NAALADL2: variants seen among roughly 807,000 people sequenced by gnomAD.
NAALADL2 encodes N-acetylated alpha-linked acidic dipeptidase like 2.
Under a neutral mutation model 87.2 loss-of-function variants are expected in NAALADL2, and 76 were observed. The observed-to-expected ratio is 0.87, with a 90% CI of 0.72 to 1.05. The LOEUF (loss-of-function observed/expected upper bound fraction) is 1.05, where lower values mean the gene tolerates loss of function less well. NAALADL2 is among the 50% of genes least tolerant of loss of function. NAALADL2 has a pLI of 0.00. For missense variants in NAALADL2, 1,089 were observed against 945.8 expected (o/e 1.15, Z -1.99); for synonymous variants, 354 against 331.0 (o/e 1.07, Z -0.75).
At chr3:175,768,476 T>C (rs1268865518) in intron 13 of NAALADL2, among the ~76,000 whole-genome samples, 1 of 152,178 alleles carries the variant, frequency 6.6e-6, no homozygotes, top group Non-Finnish European at 1.5e-5. Flanking sequence ...CCAGAGATGG[T>C]AAATTACATA....
chr3:174,533,860 C>T (rs182411525), intron 1 of NAALADL2, among the ~76,000 whole-genome samples: 1 of 152,140 alleles, frequency 6.6e-6, no homozygotes, highest in East Asian at 1.9e-4. Flanking sequence ...GTAGTCTTGA[C>T]ATTTGAGAAT....
intron 13 of NAALADL2, among the ~76,000 whole-genome samples, chr3:175,789,430 A>G (rs1037061697): frequency 1.3e-5 from 2 of 152,196 alleles, no homozygotes; most frequent in Non-Finnish European, 2.9e-5. Flanking sequence ...AATGTATTTT[A>G]TACAATTGAA....
chr3:175,245,260 G>A (rs1747755131), intron 3 of NAALADL2, among the ~76,000 whole-genome samples: 1 of 151,976 alleles, frequency 6.6e-6, no homozygotes, highest in Non-Finnish European at 1.5e-5. Context: ...TAATCTCTAA[G>A]GTACTATTTA....
At chr3:175,134,804 C>A (rs906933515) in intron 2 of NAALADL2, among the ~76,000 whole-genome samples, 1 of 152,140 alleles carries the variant, frequency 6.6e-6, no homozygotes, top group African/African-American at 2.4e-5. Flanking sequence ...ACCATGAATA[C>A]CTGTCTACCT....
chr3:175,377,712 G>A (rs1403128495), intron 5 of NAALADL2, among the ~76,000 whole-genome samples: 2 of 152,100 alleles, frequency 1.3e-5, no homozygotes, highest in Non-Finnish European at 2.9e-5. Flanking sequence ...CCCATCCTGT[G>A]TCTATAAAAG....
intron 2 of NAALADL2, among the ~76,000 whole-genome samples, chr3:174,587,105 TA>T (rs1716812127): frequency 6.6e-6 from 1 of 152,000 alleles, no homozygotes; most frequent in Non-Finnish European, 1.5e-5. Flanking sequence ...GTCCTTGCCA[TA>T]GTTTGCTGAG....
Position 175,289,837 on chromosome 3 carries a change from C to T in NAALADL2, c.939+33307C>T, listed in dbSNP as rs185003275. ...ACAAAATAAAATGAGAAGCCACAGA[C>T]TGGGAGAAAATATTCTCAATATATA... On this transcript the variant is annotated intron_variant, in intron 4 of 13. Transcript: ENST00000454872. 2.0e-3 allele frequency among the ~76,000 whole-genome samples: 301 copies of T among 152,062 alleles called. 1 individual carries two copies. The highest frequency in any genetic ancestry group is 3.3e-3 in the Non-Finnish European group (227 of 67,972).
At chr3:174,476,256 CTT>C (rs373800541) in intron 1 of NAALADL2, among the ~76,000 whole-genome samples, 1 of 135,924 alleles carries the variant, frequency 7.4e-6, no homozygotes. Context: ...GAGCAGTAGT[CTT>C]TTTTTTTTTT....
At chr3:175,456,184 C>G (rs930166734) in intron 6 of NAALADL2, among the ~76,000 whole-genome samples, 9 of 152,008 alleles carry the variant, frequency 5.9e-5, no homozygotes, top group Admixed American at 2.6e-4. Context: ...ATAATTGCAA[C>G]AAAAATGCAA....
At chr3:175,550,271 C>G (rs1321645221) in intron 9 of NAALADL2, among the ~76,000 whole-genome samples, 1 of 151,874 alleles carries the variant, frequency 6.6e-6, no homozygotes, top group African/African-American at 2.4e-5. Context: ...TTTTAGTGTA[C>G]CTTAATCTAA....
intron 5 of NAALADL2, among the ~76,000 whole-genome samples, chr3:175,419,420 T>A (rs979107154): frequency 1.3e-5 from 2 of 151,806 alleles, no homozygotes; most frequent in Admixed American, 6.6e-5. Flanking sequence ...TAGCAAAAAA[T>A]TATTATAAGC....
chr3:174,845,261 T>A (rs919297281), intron 3 of NAALADL2, among the ~76,000 whole-genome samples: 3 of 152,138 alleles, frequency 2.0e-5, no homozygotes, highest in Non-Finnish European at 1.5e-5. Flanking sequence ...AATGAGAGCC[T>A]GGCAGCTGTG....
chr3:174,718,236 A>AT (rs1382915775), intron 2 of NAALADL2, among the ~76,000 whole-genome samples: 2 of 152,148 alleles, frequency 1.3e-5, no homozygotes, highest in African/African-American at 4.8e-5. Context: ...TATCTTTCCC[A>AT]TTTTTTATCT....
At chr3:174,813,521 T>A (rs1056535762) in intron 3 of NAALADL2, among the ~76,000 whole-genome samples, 2 of 152,194 alleles carry the variant, frequency 1.3e-5, no homozygotes, top group African/African-American at 4.8e-5. Context: ...TACCATGTAG[T>A]TTAGGTAGTT....
At chr3:174,985,906 C>G (rs1247303673) in intron 1 of NAALADL2, among the ~76,000 whole-genome samples, 1 of 151,876 alleles carries the variant, frequency 6.6e-6, no homozygotes, top group Non-Finnish European at 1.5e-5. Flanking sequence ...GAGCTGAGAT[C>G]ACGCCATTGC....
At position 175,463,354 on chromosome 3, in the gene NAALADL2, C is replaced by T. The variant is rs1486543892; in HGVS notation, c.1235-47C>T. 3.4e-6 allele frequency: 4 copies of T among 1,188,916 alleles called. No homozygotes were observed. In the African/African-American group the frequency reaches 4.7e-5, roughly 14 times the overall value. 73.6% of individuals were successfully genotyped at this position (1,188,916 alleles called of 1,614,324 possible). A position where few individuals can be genotyped will look rare whatever the true frequency, so the allele number is the denominator to read the frequency against. ...AATAAATTTTAAGGTTTAAAAAATA[C>T]AATAAAATATAAAGAAGCAAAAGTC... On this transcript the variant is annotated intron_variant, in intron 6 of 13. Transcript: ENST00000454872.
intron 2 of NAALADL2, among the ~76,000 whole-genome samples, chr3:175,227,816 G>A (rs970436504): frequency 3.3e-5 from 5 of 152,012 alleles, no homozygotes; most frequent in South Asian, 2.1e-4. Context: ...TTACATAATT[G>A]TAGAACTATG....
chr3:175,644,828 G>T (rs777935850), intron 11 of NAALADL2, among the ~76,000 whole-genome samples: 9 of 152,060 alleles, frequency 5.9e-5, no homozygotes, highest in Non-Finnish European at 1.2e-4. Context: ...GTAAATACTT[G>T]CTTGATCCAG....
intron 1 of NAALADL2, among the ~76,000 whole-genome samples, chr3:174,978,633 T>C (rs9878744): frequency 0.14 from 20,685 of 152,204 alleles, 3,634 homozygotes; most frequent in African/African-American, 0.41. Context: ...AACAAAATAT[T>C]CATTATCGTG....
Sources: gnomAD v4.1 joint callset for allele counts (sites outside exome capture counted in the v4.1 genomes callset) on GRCh38, gnomAD v4.1.1 for gene constraint, MANE v1.5 for transcripts, NCBI Gene and HGNC (gene_info 2026-07-23, HGNC 2026-07-21) for gene names.